Variants in MIOS observed in about 807,000 individuals in gnomAD.
MIOS encodes GATOR2 complex protein MIOS.
A neutral mutation model predicts 96.9 loss-of-function variants in MIOS; 52 were observed. The ratio of observed to expected loss-of-function variants is 0.54; its 90% confidence interval spans 0.43 to 0.68. The LOEUF is 0.68. Among genes scored for constraint, MIOS ranks in the 30% least tolerant of loss-of-function variants. The pLI is 0.00. For missense variants in MIOS, 1,005 were observed against 1,052.8 expected (o/e 0.95, Z 0.63); for synonymous variants, 397 against 359.5 (o/e 1.10, Z -1.18).
intron 11 of MIOS, among the ~76,000 whole-genome samples, chr7:7,603,008 G>A (rs1381638569): frequency 6.6e-6 from 1 of 151,328 alleles, no homozygotes; most frequent in Admixed American, 6.6e-5. Flanking sequence ...GGGAAAACTG[G>A]CTAGCCATAT....
chr7:7,601,103 C>T (rs1252445581), intron 11 of MIOS, among the ~76,000 whole-genome samples: 10 of 151,862 alleles, frequency 6.6e-5, no homozygotes, highest in East Asian at 1.9e-4. Flanking sequence ...TAAATGCCCA[C>T]GAGAGTAAGC....
intron 9 of MIOS, among the ~76,000 whole-genome samples, chr7:7,591,358 C>G (rs1247414509): frequency 6.7e-6 from 1 of 149,176 alleles, no homozygotes; most frequent in African/African-American, 2.5e-5. Context: ...TGGATCTCAG[C>G]TCATTGCAGC....
chr7:7,574,013 A>T (rs1317757133), intron 4 of MIOS, 85 bp from the exon 5 acceptor site: 2 of 1,112,178 alleles, frequency 1.8e-6, no homozygotes, highest in Admixed American at 2.3e-5. Context: ...ACTGATACTT[A>T]TTATGAATTG....
chr7:7,597,064 C>T (rs1170734286), intron 11 of MIOS, among the ~76,000 whole-genome samples: 5 of 152,066 alleles, frequency 3.3e-5, no homozygotes, highest in Non-Finnish European at 5.9e-5. Flanking sequence ...TGGTGGCTCA[C>T]GCCTGTAATC....
intron 11 of MIOS, 75 bp downstream of exon 11, chr7:7,596,536 A>G: frequency 1.5e-6 from 2 of 1,357,038 alleles, no homozygotes; most frequent in Non-Finnish European, 2.1e-6. Flanking sequence ...TTGCAAATAA[A>G]ATACAAACTA....
intron 9 of MIOS, among the ~76,000 whole-genome samples, chr7:7,593,879 C>CAAAAAAAAAA (rs35986278): frequency 2.1e-4 from 10 of 47,854 alleles, no homozygotes; most frequent in African/African-American, 5.3e-4. Flanking sequence ...ACTCTGTCTC[C>CAAAAAAAAAA]AAAAAAAAAA....
intron 11 of MIOS, among the ~76,000 whole-genome samples, chr7:7,602,937 T>C (rs1318618314): frequency 1.3e-5 from 2 of 152,142 alleles, no homozygotes; most frequent in African/African-American, 4.8e-5. Context: ...CCATCTGATC[T>C]TTGACAAACC....
intron 11 of MIOS, among the ~76,000 whole-genome samples, chr7:7,599,999 A>G (rs1784323095): frequency 1.3e-5 from 2 of 152,130 alleles, no homozygotes; most frequent in African/African-American, 4.8e-5. Flanking sequence ...AGAAGGAATA[A>G]CAGACACCAG....
rs370206430 is a variant in MIOS at position 7,601,017 on chromosome 7, A to G, written c.2401+4556A>G. 2.0e-5 allele frequency among the ~76,000 whole-genome samples: 3 copies of G among 152,312 alleles called. No individual in the cohort carries two copies. In the East Asian group the frequency reaches 5.8e-4, roughly 29 times the overall value. On this transcript the variant is annotated intron_variant, in intron 11 of 12. Transcript: ENST00000340080. ...AGAAATAAAGATGTTCTTTGAAACCAACGAGAACAAAGACACAACATACCA... is the reference window on the plus strand; with the variant it reads ...AGAAATAAAGATGTTCTTTGAAACCGACGAGAACAAAGACACAACATACCA...
chr7:7,602,689 A>T (rs1348670234), intron 11 of MIOS, among the ~76,000 whole-genome samples: 2 of 152,308 alleles, frequency 1.3e-5, no homozygotes, highest in East Asian at 3.9e-4. Context: ...CCATCAAGCT[A>T]CCAATGACTT....
chr7:7,571,457 C>T (rs1368226456), intron 3 of MIOS, among the ~76,000 whole-genome samples: 4 of 152,102 alleles, frequency 2.6e-5, no homozygotes, highest in East Asian at 1.9e-4. Flanking sequence ...GTAGATAAAA[C>T]ACAATCAAGC....
At chr7:7,600,255 T>C (rs1784336242) in intron 11 of MIOS, among the ~76,000 whole-genome samples, 1 of 152,048 alleles carries the variant, frequency 6.6e-6, no homozygotes. Flanking sequence ...AAACAGGATC[T>C]AATAGAAATC....
At chr7:7,571,466 G>C (rs1005254123) in intron 3 of MIOS, among the ~76,000 whole-genome samples, 4 of 152,114 alleles carry the variant, frequency 2.6e-5, no homozygotes, top group South Asian at 2.1e-4. Context: ...ACACAATCAA[G>C]CCTTTTTAAT....
chr7:7,571,596 A>G (rs1167632208), intron 3 of MIOS, among the ~76,000 whole-genome samples: 1 of 152,232 alleles, frequency 6.6e-6, no homozygotes, highest in Non-Finnish European at 1.5e-5. Flanking sequence ...TTAAAGAAAA[A>G]TATTAATGGC....
In MIOS at chr7:7,583,231, G is replaced by C; in HGVS notation, c.1507G>C (p.Gly503Arg). The change falls in exon 6 of 13, where the codon GGA becomes CGA. Residue 503 changes from glycine (G) to arginine (R), a missense_variant. Physicochemically the swap from Gly to Arg is moderately radical, Grantham distance 125. Around this residue, in one of 3 missense-constraint regions of MIOS, gnomAD observed 865 missense variants for 887.9 expected, o/e 0.97. Transcript: ENST00000340080. ...ALQLCGWIKK[G>R]TDVDVGPFLN... ...ACAGCTTTGTGGGTGGATAAAGAAA[G>C]GAACGGATGTAGACGTGGGGCCATT... 2 of 1,614,136 alleles carry C rather than the reference G, an allele frequency of 1.2e-6. No individual in the cohort carries two copies. Among genetic ancestry groups the C allele is most frequent in the Non-Finnish European group, 1.7e-6 (2 of 1,180,002 alleles).
intron 9 of MIOS, among the ~76,000 whole-genome samples, chr7:7,590,645 T>A (rs1261714913): frequency 6.6e-6 from 1 of 152,224 alleles, no homozygotes; most frequent in Non-Finnish European, 1.5e-5. Flanking sequence ...CTATGTTCCT[T>A]TCCTACCTTA....
intron 3 of MIOS, among the ~76,000 whole-genome samples, chr7:7,570,199 A>T (rs567905454): frequency 1.3e-5 from 2 of 152,204 alleles, no homozygotes; most frequent in Non-Finnish European, 2.9e-5. Flanking sequence ...CAGAGGCTTG[A>T]GACTATCCTC....
chr7:7,571,532 A>G (rs146843242), intron 3 of MIOS, among the ~76,000 whole-genome samples: 77 of 152,358 alleles, frequency 5.1e-4, no homozygotes, highest in Non-Finnish European at 9.3e-4. Flanking sequence ...ACCATGATTC[A>G]TGGACCTTAT....
intron 7 of MIOS, among the ~76,000 whole-genome samples, chr7:7,588,277 A>G (rs918999786): frequency 2.0e-5 from 3 of 152,176 alleles, no homozygotes; most frequent in Non-Finnish European, 2.9e-5. Flanking sequence ...TTTAAAAGGT[A>G]AATTTTTACT....
Sources: gnomAD v4.1 joint callset for allele counts (sites outside exome capture counted in the v4.1 genomes callset) on GRCh38, gnomAD v4.1.1 for gene constraint, gnomAD v4.1.1 regional missense constraint, MANE v1.5 for transcripts, NCBI Gene and HGNC (gene_info 2026-07-23, HGNC 2026-07-21) for gene names.